Variants in AMELY observed in about 807,000 individuals in gnomAD.
AMELY encodes the protein amelogenin Y-linked, also known as amelogenin, Y isoform.
Under a neutral mutation model 4.2 loss-of-function variants are expected in AMELY, and 4 were observed. That is an observed-to-expected ratio of 0.96 (90% CI 0.47 to 2.19). The LOEUF (loss-of-function observed/expected upper bound fraction) is 2.19, where lower values mean the gene tolerates loss of function less well. Ranked by LOEUF, AMELY falls within the 30% of genes most tolerant of loss-of-function variation. AMELY has a pLI of 0.02. For synonymous variants in AMELY, 11 were observed against 14.7 expected, an observed-to-expected ratio of 0.75 and a Z score of 0.57; for missense variants, 32 against 41.5, an observed-to-expected ratio of 0.77 and a Z score of 0.63.
chrY:6,884,995 A>G (rs1044487641), intron 1 of AMELY, among the ~76,000 whole-genome samples: 1 of 34,276 alleles, frequency 2.9e-5, no homozygotes, highest in Non-Finnish European at 7.3e-5. Flanking sequence ...TTCAGCATTT[A>G]CTAACATTGG....
At chrY:6,867,442 TCTTTTTA>T (rs765645602) in intron 6 of AMELY, among the ~76,000 whole-genome samples, 7 of 33,914 alleles carry the variant, frequency 2.1e-4, no homozygotes, top group African/African-American at 8.0e-4. Flanking sequence ...TGAGGTAACT[TCTTTTTA>T]AAAGCTTAAT....
intron 1 of AMELY, among the ~76,000 whole-genome samples, chrY:6,899,900 C>G: frequency 3.0e-5 from 1 of 33,119 alleles, no homozygotes; most frequent in Non-Finnish European, 7.4e-5. Context: ...AAAAAATTAG[C>G]TGGGCATGAT....
chrY:6,906,389 C>T (rs2011663156), intron 1 of AMELY, among the ~76,000 whole-genome samples: 1 of 33,489 alleles, frequency 3.0e-5, no homozygotes, highest in Non-Finnish European at 7.4e-5. Flanking sequence ...TATACACATA[C>T]ATATACATAC....
chrY:6,911,161 C>G (rs2011688692), intron 1 of AMELY, among the ~76,000 whole-genome samples: 1 of 34,830 alleles, frequency 2.9e-5, no homozygotes, highest in Non-Finnish European at 7.3e-5. Flanking sequence ...CGGAGCGCTC[C>G]CTGGACTCAA....
intron 1 of AMELY, among the ~76,000 whole-genome samples, chrY:6,889,294 TTTAG>T (rs2054081825): frequency 3.0e-5 from 1 of 33,317 alleles, no homozygotes; most frequent in Non-Finnish European, 7.4e-5. Flanking sequence ...AAACATGAAA[TTTAG>T]TTTTCTCTTT....
At chrY:6,907,852 CT>C (rs2011669132) in intron 1 of AMELY, among the ~76,000 whole-genome samples, 1 of 32,198 alleles carries the variant, frequency 3.1e-5, no homozygotes, top group Non-Finnish European at 7.6e-5. Flanking sequence ...TTGTGGATTC[CT>C]ACTGCCTTTT....
intron 1 of AMELY, among the ~76,000 whole-genome samples, chrY:6,899,279 G>A: frequency 2.9e-5 from 1 of 34,178 alleles, no homozygotes; most frequent in Admixed American, 2.7e-4. Context: ...CAGGAAGAGA[G>A]CTTCCTGTCC....
chrY:6,897,803 G>A, intron 1 of AMELY, among the ~76,000 whole-genome samples: 1 of 30,437 alleles, frequency 3.3e-5, no homozygotes, highest in Non-Finnish European at 7.8e-5. Context: ...TTTTCTTTCT[G>A]AGACAGAGTC....
intron 3 of AMELY, 149 bp downstream of exon 3, chrY:6,872,406 T>C: frequency 6.4e-6 from 1 of 157,218 alleles, no homozygotes. Flanking sequence ...ATCTATTTTT[T>C]CATTCCCCAA....
chrY:6,877,859 A>G, intron 1 of AMELY, among the ~76,000 whole-genome samples: 1 of 33,113 alleles, frequency 3.0e-5, no homozygotes, highest in Non-Finnish European at 7.4e-5. Flanking sequence ...ACCTTAAGCC[A>G]CTGAGCAAAT....
chrY:6,883,230 T>G, intron 1 of AMELY, among the ~76,000 whole-genome samples: 1 of 33,097 alleles, frequency 3.0e-5, no homozygotes, highest in Non-Finnish European at 7.4e-5. Flanking sequence ...ATAAAAAAAA[T>G]GTGGCACATA....
At chrY:6,883,128 A>G (rs909824162) in intron 1 of AMELY, among the ~76,000 whole-genome samples, 5 of 33,377 alleles carry the variant, frequency 1.5e-4, no homozygotes, top group Admixed American at 2.8e-4. Flanking sequence ...TCATTCTACT[A>G]TAAAGACACA....
Position 6,867,843 on chromosome Y carries a change from T to C in AMELY, c.573+194A>G, listed in dbSNP as rs1256957337. Among the ~76,000 whole-genome samples the C allele has an allele frequency of 8.9e-5, 3 of 33,862 alleles. No individual in the cohort carries two copies. The East Asian group carries it at 2.3e-3, about 26-fold the overall frequency. 90.8% of individuals were successfully genotyped at this position (33,862 alleles called of 37,273 possible). ...TAAACCTATCATAAAAACTGTGTTC[T>C]TAATTACCAAGCCATTTAGATAAAT... On this transcript the variant is annotated intron_variant, in intron 6 of 6. Coordinates refer to ENST00000651267, the MANE Select transcript of AMELY (RefSeq NM_001143.2).
intron 6 of AMELY, among the ~76,000 whole-genome samples, chrY:6,867,335 G>A: frequency 3.0e-5 from 1 of 33,667 alleles, no homozygotes; most frequent in African/African-American, 1.2e-4. Flanking sequence ...TCTTATATAC[G>A]TAGAAATAAG....
intron 1 of AMELY, among the ~76,000 whole-genome samples, chrY:6,888,285 T>C (rs2054081182): frequency 3.0e-5 from 1 of 33,685 alleles, no homozygotes; most frequent in Admixed American, 2.7e-4. Context: ...TTCATATGTC[T>C]GTTGGTTGCA....
At chrY:6,876,477 T>C in intron 1 of AMELY, among the ~76,000 whole-genome samples, 1 of 32,561 alleles carries the variant, frequency 3.1e-5, no homozygotes, top group Non-Finnish European at 7.5e-5. Context: ...TGAAAGCACA[T>C]AATAAAAGGG....
chrY:6,899,633 G>A, intron 1 of AMELY, among the ~76,000 whole-genome samples: 2 of 31,672 alleles, frequency 6.3e-5, no homozygotes, highest in Non-Finnish European at 1.5e-4. Context: ...CTCGGGAGGC[G>A]CAGGCAGGAG....
At chrY:6,899,333 G>C in intron 1 of AMELY, among the ~76,000 whole-genome samples, 1 of 33,787 alleles carries the variant, frequency 3.0e-5, no homozygotes, top group Non-Finnish European at 7.3e-5. Context: ...AATGCATTGC[G>C]ATGGCGGTAG....
chrY:6,884,761 A>G (rs2054077869), intron 1 of AMELY, among the ~76,000 whole-genome samples: 1 of 33,753 alleles, frequency 3.0e-5, no homozygotes, highest in African/African-American at 1.2e-4. Context: ...AAAGGGTTAA[A>G]TTCAACAACA....
Sources: gnomAD v4.1 joint callset for allele counts (sites outside exome capture counted in the v4.1 genomes callset) on GRCh38, gnomAD v4.1.1 for gene constraint, MANE v1.5 for transcripts, NCBI Gene and HGNC (gene_info 2026-07-23, HGNC 2026-07-21) for gene names.